The following PLEK2 variants were observed in gnomAD, a reference collection of about 807,000 sequenced individuals.
The protein encoded by PLEK2 is pleckstrin-2.
Under a neutral mutation model 43.8 loss-of-function variants are expected in PLEK2, and 29 were observed. The ratio of observed to expected loss-of-function variants is 0.66; its 90% CI spans 0.49 to 0.90. PLEK2 has a LOEUF of 0.90. Ranked by LOEUF, PLEK2 falls within the 40% of genes least tolerant of loss-of-function variation. The pLI is 0.00. For missense variants in PLEK2, 398 were observed against 448.1 expected, an observed-to-expected ratio of 0.89 and a Z score of 1.01; for synonymous variants, 162 against 173.2, an observed-to-expected ratio of 0.94 and a Z score of 0.51.
At position 67,408,295 on chromosome 14, in the gene PLEK2, T is replaced by TAAATAAAATAAAATAAAATA. The variant is rs571696195; in HGVS notation, c.42+3703_42+3722dup. Among the ~76,000 whole-genome samples the TAAATAAAATAAAATAAAATA allele has an allele frequency of 4.0e-3, 472 of 116,718 alleles. 4 individuals are homozygous for TAAATAAAATAAAATAAAATA. Among genetic ancestry groups the TAAATAAAATAAAATAAAATA allele is most frequent in the African/African-American group, 4.7e-3 (135 of 28,738 alleles). 76.6% of individuals were successfully genotyped at this position (116,718 alleles called of 152,430 possible). ...GAGCAAAATTCGGTCTCAAAATAAA[T>TAAATAAAATAAAATAAAATA]AAATAAAATAAAATAAAATAAAATA... is the stretch of plus-strand genomic sequence containing the variant. On this transcript the variant is annotated intron_variant, in intron 1 of 8. Transcript: ENST00000216446.
intron 1 of PLEK2, among the ~76,000 whole-genome samples, chr14:67,410,836 G>A (rs1157062255): frequency 6.6e-6 from 1 of 152,108 alleles, no homozygotes; most frequent in African/African-American, 2.4e-5. Context: ...AGTATAAATG[G>A]TTAGTGTTAA....
At position 67,388,234 on chromosome 14, in the gene PLEK2, G is replaced by A. The variant is rs749590004; in HGVS notation, c.924C>T (p.Gly308=). The A allele has an allele frequency of 3.7e-6, 6 of 1,610,882 alleles. No individual in the cohort carries two copies. The highest frequency in any genetic ancestry group is 4.5e-5 in the East Asian group (2 of 44,872). ...GSLVSALEDN[G]VPTGVKGNVQ... ...GAAGTTGTACCTTACCAGTGGGAAC[G>A]CCATTATCTTCCAGAGCAGACACGA... The change falls in exon 8 of 9, where the codon GGC becomes GGT. Residue 308 remains glycine (G), a synonymous_variant. Transcript: ENST00000216446.
In PLEK2 at chr14:67,387,284, T is replaced by C. The variant is rs1220664002; in HGVS notation, c.*45A>G. On this transcript the variant is annotated 3_prime_UTR_variant, in exon 9 of 9. Transcript: ENST00000216446. ...CCCATTCTCCAGGAACTCTTGTCTGTGTCATCTGGTAGGAGGGAGGAATCC... is the reference window on the plus strand; with the variant it reads ...CCCATTCTCCAGGAACTCTTGTCTGCGTCATCTGGTAGGAGGGAGGAATCC... The C allele has an allele frequency of 6.3e-7, 1 of 1,577,966 alleles. No individual in the cohort carries two copies. The highest frequency in any genetic ancestry group is 8.6e-7 in the Non-Finnish European group (1 of 1,164,848).
chr14:67,394,339 T>C (rs2085990808), intron 3 of PLEK2, among the ~76,000 whole-genome samples: 1 of 151,898 alleles, frequency 6.6e-6, no homozygotes, highest in Admixed American at 6.6e-5. Flanking sequence ...AAGGCTGCAG[T>C]GAGCCATGAT....
At chr14:67,392,971 T>TG (rs1382376479) in intron 4 of PLEK2, 122 bp from the exon 5 acceptor site, 1 of 888,342 alleles carries the variant, frequency 1.1e-6, no homozygotes, top group Non-Finnish European at 1.8e-6. Context: ...AAGAGCAGAC[T>TG]GAAGGCCACA....
chr14:67,398,106 G>A, intron 1 of PLEK2: 1 of 302,470 alleles, frequency 3.3e-6, no homozygotes, highest in Non-Finnish European at 6.0e-6. Flanking sequence ...CTACTGCTAG[G>A]AGACAGCCAT....
chr14:67,410,326 A>G (rs2086108480), intron 1 of PLEK2, among the ~76,000 whole-genome samples: 1 of 152,090 alleles, frequency 6.6e-6, no homozygotes, highest in African/African-American at 2.4e-5. Context: ...ATCCCTCCAC[A>G]GGCTCTACCA....
In PLEK2 at chr14:67,387,469, AAG is replaced by A. The variant is rs1566621325; in HGVS notation, c.935-15_935-14del. 2 of 1,597,000 alleles carry A rather than the reference AAG, an allele frequency of 1.3e-6. No homozygotes were observed. The highest frequency in any genetic ancestry group is 2.3e-5 in the East Asian group (1 of 43,742). On this transcript the variant is annotated splice_polypyrimidine_tract_variant and intron_variant, in intron 8 of 8. Transcript: ENST00000216446. ...TTCCCTTTAACCCCTAGGCAGAAAA[AAG>A]GGGGAAAAAAATCAGTGATTGAATA...
intron 6 of PLEK2, among the ~76,000 whole-genome samples, chr14:67,391,802 G>A (rs2085970417): frequency 6.6e-6 from 1 of 152,222 alleles, no homozygotes; most frequent in South Asian, 2.1e-4. Context: ...CCCAAACACG[G>A]TTTAGGAGTA....
chr14:67,395,083 C>CT lies in PLEK2; in HGVS notation c.389+318dup, dbSNP rs542341284. ...TCTGTTATAAGTAACAGAAAACAGA[C>CT]TAAGACGAGATTTTGGGGGAGCTGT... On this transcript the variant is annotated intron_variant, in intron 3 of 8. Transcript: ENST00000216446. Among the ~76,000 whole-genome samples, 517 of 152,264 alleles carry CT rather than the reference C, an allele frequency of 3.4e-3. 4 individuals are homozygous for CT. The highest frequency in any genetic ancestry group is 0.012 in the African/African-American group (500 of 41,552).
intron 7 of PLEK2, among the ~76,000 whole-genome samples, chr14:67,389,761 AAAGT>A (rs2085953482): frequency 6.6e-6 from 1 of 150,600 alleles, no homozygotes; most frequent in Non-Finnish European, 1.5e-5. Context: ...ATACAAAACT[AAAGT>A]GTTTTTTTTC....
At chr14:67,393,717 G>A (rs2085986468) in intron 3 of PLEK2, among the ~76,000 whole-genome samples, 1 of 152,118 alleles carries the variant, frequency 6.6e-6, no homozygotes, top group African/African-American at 2.4e-5. Context: ...GCCTCCGAAA[G>A]TACTGGGATT....
In PLEK2 at chr14:67,392,545, G is replaced by T; in HGVS notation, c.669+117C>A. 3 of 1,205,100 alleles carry T rather than the reference G, an allele frequency of 2.5e-6. No individual in the cohort carries two copies. In the South Asian group the frequency reaches 3.8e-5, roughly 15 times the overall value. The allele number at this position is 1,205,100 out of a possible 1,614,324, so 74.7% of individuals were successfully genotyped here. A position where few individuals can be genotyped will look rare whatever the true frequency, so the allele number is the denominator to read the frequency against. ...CAGGAACCTCATTCTGCATCAGGAT[G>T]AAGTCGTCCCCCAAGCCCAAGGTCT... On this transcript the variant is annotated intron_variant, in intron 5 of 8. Transcript: ENST00000216446.
Position 67,392,744 on chromosome 14 carries a change from A to G in PLEK2, c.587T>C (p.Val196Ala). The G allele has an allele frequency of 6.2e-7, 1 of 1,614,072 alleles. No individual in the cohort carries two copies. Among genetic ancestry groups the G allele is most frequent in the Non-Finnish European group, 8.5e-7 (1 of 1,179,920 alleles). The change falls in exon 5 of 9, where the codon GTG (valine) becomes GCG (alanine). Residue 196 changes from valine (V) to alanine (A), a missense_variant. Coordinates refer to ENST00000216446, the MANE Select transcript of PLEK2 (RefSeq NM_016445.3). Reference sequence around the variant, plus strand: ...AATGGCTCCCATGCTTCGGACACCCACAGGCCTGAGGAAGTTCTCCTCCAT... The same window carrying G: ...AATGGCTCCCATGCTTCGGACACCCGCAGGCCTGAGGAAGTTCTCCTCCAT... The part of the protein sequence containing the change: ...MLMEENFLRP[V>A]GVRSMGAIRS...
At chr14:67,397,034 G>A (rs2086015933) in intron 2 of PLEK2, among the ~76,000 whole-genome samples, 1 of 151,938 alleles carries the variant, frequency 6.6e-6, no homozygotes, top group African/African-American at 2.4e-5. Context: ...TGCCTCCCAG[G>A]GTCAAGCGAT....
chr14:67,395,353 A>C, intron 3 of PLEK2, 49 bp downstream of exon 3: 1 of 1,564,640 alleles, frequency 6.4e-7, no homozygotes, highest in Non-Finnish European at 8.8e-7. Context: ...CTGCCCACCC[A>C]ACACAGGCAG....
At chr14:67,391,667 G>T (rs2085969256) in intron 6 of PLEK2, among the ~76,000 whole-genome samples, 2 of 152,210 alleles carry the variant, frequency 1.3e-5, no homozygotes, top group African/African-American at 4.8e-5. Context: ...CGAAGGCTGT[G>T]CAAAATGTCT....
At chr14:67,390,503 A>G (rs2085958210) in intron 7 of PLEK2, among the ~76,000 whole-genome samples, 160 bp downstream of exon 7, 1 of 152,238 alleles carries the variant, frequency 6.6e-6, no homozygotes, top group Non-Finnish European at 1.5e-5. Flanking sequence ...ATGACAGGGC[A>G]GAGCAGCTTG....
At position 67,393,208 on chromosome 14, in the gene PLEK2, G is replaced by A. The variant is rs149134361; in HGVS notation, c.423C>T (p.Thr141=). 28 of 1,613,946 alleles carry A rather than the reference G, an allele frequency of 1.7e-5. No homozygotes were observed. The highest frequency in any genetic ancestry group is 1.7e-4 in the Middle Eastern group (1 of 6,060). ...RIVDKMHDSN[T]GIRSSPNMEQ... ...CCATGTTGGGGCTTGAACGGATTCC[G>A]GTGTTGCTATCGTGCATCTTGTCCA... Residue 141 remains threonine, a synonymous_variant, in exon 4 of 9, where the codon ACC becomes ACT. Coordinates refer to ENST00000216446, the MANE Select transcript of PLEK2 (RefSeq NM_016445.3).
Sources: allele counts gnomAD v4.1 joint callset (sites outside exome capture counted in the v4.1 genomes callset), GRCh38; gene constraint gnomAD v4.1.1; transcripts MANE v1.5; gene names NCBI Gene and HGNC (gene_info 2026-07-23, HGNC 2026-07-21).